AGTPBP1: variants seen among roughly 807,000 people sequenced by gnomAD.
AGTPBP1 encodes the protein ATP/GTP binding carboxypeptidase 1.
Under a neutral mutation model 143.9 loss-of-function variants are expected in AGTPBP1, and 70 were observed. The ratio of observed to expected loss-of-function variants is 0.49; its 90% confidence interval spans 0.40 to 0.59. The LOEUF (loss-of-function observed/expected upper bound fraction) is 0.59, where lower values mean the gene tolerates loss of function less well. Among genes scored for constraint, AGTPBP1 ranks in the 20% least tolerant of loss-of-function variants. The pLI is 0.00. For synonymous variants in AGTPBP1, 463 were observed against 500.2 expected, an observed-to-expected ratio of 0.93 and a Z score of 0.99; for missense variants, 1,229 against 1,464.5, an observed-to-expected ratio of 0.84 and a Z score of 2.62.
intron 25 of AGTPBP1, among the ~76,000 whole-genome samples, chr9:85,564,966 G>A (rs576191743): frequency 2.8e-4 from 42 of 152,292 alleles, no homozygotes; most frequent in African/African-American, 1.0e-3. Flanking sequence ...GAATGTTTAT[G>A]TCACATGAGG....
At chr9:85,679,591 G>A (rs1835044994) in intron 4 of AGTPBP1, among the ~76,000 whole-genome samples, 1 of 151,994 alleles carries the variant, frequency 6.6e-6, no homozygotes, top group Non-Finnish European at 1.5e-5. Flanking sequence ...TGTATTTTTA[G>A]TAAAGACAGG....
chr9:85,619,098 T>C lies in AGTPBP1; in HGVS notation c.2220A>G (p.Ile740Met). 1 of 1,613,658 alleles carries C rather than the reference T, an allele frequency of 6.2e-7. No homozygotes were observed. Among genetic ancestry groups the C allele is most frequent in the Non-Finnish European group, 8.5e-7 (1 of 1,179,766 alleles). Reference protein sequence around the residue: ...NEYDLILNSDINSNHYHQWFY... With the variant: ...NEYDLILNSDMNSNHYHQWFY... ...ACCACTGATGATAATGATTGCTGTT[T>C]ATGTCTGAGTTCAGAATAAGATCAT... The change falls in exon 17 of 26, where the codon ATA becomes ATG. Residue 740 changes from isoleucine (I) to methionine (M), a missense_variant. By Grantham distance (10) the Ile-to-Met change is conservative (BLOSUM62 1). Coordinates refer to ENST00000357081, the MANE Select transcript of AGTPBP1 (RefSeq NM_001330701.2).
intron 14 of AGTPBP1, among the ~76,000 whole-genome samples, chr9:85,626,881 G>C (rs146050365): frequency 6.6e-6 from 1 of 152,226 alleles, no homozygotes; most frequent in East Asian, 1.9e-4. Flanking sequence ...CCTCTCAATT[G>C]TTTTAACCAC....
chr9:85,666,409 A>C (rs908219728), intron 8 of AGTPBP1, among the ~76,000 whole-genome samples: 1 of 152,146 alleles, frequency 6.6e-6, no homozygotes, highest in African/African-American at 2.4e-5. Context: ...AATACAACAG[A>C]AAGCGTTAGA....
At chr9:85,582,152 A>T (rs1238234207) in intron 23 of AGTPBP1, among the ~76,000 whole-genome samples, 4 of 152,228 alleles carry the variant, frequency 2.6e-5, no homozygotes, top group Non-Finnish European at 5.9e-5. Context: ...TAATATCTTA[A>T]CCATAGTTCA....
chr9:85,616,377 G>T (rs1284270568), intron 17 of AGTPBP1, among the ~76,000 whole-genome samples: 1 of 151,898 alleles, frequency 6.6e-6, no homozygotes, highest in Non-Finnish European at 1.5e-5. Flanking sequence ...TGACACTAGA[G>T]AAATTATTGT....
At chr9:85,761,490 C>A in the AGTPBP1 span, among the ~76,000 whole-genome samples, 1 of 152,206 alleles carries the variant, frequency 6.6e-6, no homozygotes, top group Non-Finnish European at 1.5e-5. Context: ...ACTCTCTGAT[C>A]TTTGACAAAC....
intron 25 of AGTPBP1, among the ~76,000 whole-genome samples, chr9:85,570,103 T>C (rs1297006192): frequency 6.6e-6 from 1 of 152,102 alleles, no homozygotes; most frequent in Non-Finnish European, 1.5e-5. Flanking sequence ...TTCCATATGA[T>C]AACTGAGACA....
At chr9:85,562,773 T>C (rs1414860808) in intron 25 of AGTPBP1, among the ~76,000 whole-genome samples, 3 of 152,170 alleles carry the variant, frequency 2.0e-5, no homozygotes, top group South Asian at 4.1e-4. Context: ...GTTCACAGTA[T>C]TGTAAAGAGT....
intron 21 of AGTPBP1, among the ~76,000 whole-genome samples, 177 bp from the exon 22 acceptor site, chr9:85,587,137 A>G (rs898157567): frequency 7.2e-5 from 11 of 152,194 alleles, no homozygotes; most frequent in African/African-American, 2.7e-4. Flanking sequence ...TTAAGTAAAC[A>G]TTTATTGAGT....
Position 85,596,353 on chromosome 9 carries a change from A to T in AGTPBP1, c.2423+9T>A. ...GCTGACATTCTATTAATATTCTTAA[A>T]ATACTTACTTATAGTAACAAATGTC... On this transcript the variant is annotated intron_variant, in intron 18 of 25. Coordinates refer to ENST00000357081, the MANE Select transcript of AGTPBP1 (RefSeq NM_001330701.2). 1 of 1,573,420 alleles carries T rather than the reference A, an allele frequency of 6.4e-7. No individual in the cohort carries two copies. The highest frequency in any genetic ancestry group is 8.7e-7 in the Non-Finnish European group (1 of 1,151,426).
At chr9:85,568,042 A>C (rs938398001) in intron 25 of AGTPBP1, among the ~76,000 whole-genome samples, 3 of 152,230 alleles carry the variant, frequency 2.0e-5, no homozygotes, top group African/African-American at 7.2e-5. Context: ...AGGCACAGAC[A>C]TTTTGGTAGA....
At chr9:85,658,029 G>A (rs1463540944) in intron 9 of AGTPBP1, among the ~76,000 whole-genome samples, 2 of 152,082 alleles carry the variant, frequency 1.3e-5, no homozygotes, top group Non-Finnish European at 2.9e-5. Context: ...TTGTGAATGT[G>A]ATTTTTAGAA....
chr9:85,747,039 T>G, the AGTPBP1 span, among the ~76,000 whole-genome samples: 7 of 152,116 alleles, frequency 4.6e-5, no homozygotes, highest in Admixed American at 2.6e-4. Flanking sequence ...TTCTACTTTT[T>G]ATAGACAGTG....
At chr9:85,678,551 T>G (rs1039802665) in intron 4 of AGTPBP1, among the ~76,000 whole-genome samples, 153 bp from the exon 5 acceptor site, 1 of 152,234 alleles carries the variant, frequency 6.6e-6, no homozygotes, top group Admixed American at 6.5e-5. Context: ...TTTCCGTCTG[T>G]TTCCTTCTGC....
At chr9:85,602,491 A>G (rs1829736214) in intron 17 of AGTPBP1, among the ~76,000 whole-genome samples, 1 of 152,232 alleles carries the variant, frequency 6.6e-6, no homozygotes, top group South Asian at 2.1e-4. Context: ...CAAAGCCTAC[A>G]TGACATATGG....
Position 85,636,259 on chromosome 9 carries a change from CTTT to C in AGTPBP1, c.1303-2888_1303-2886del, listed in dbSNP as rs35445993. ...TGATTAAATGCATTTTGTAAGGTTT[CTTT>C]TTTTTTTTTTTTTTTTTTGAGAGGG... is the stretch of plus-strand genomic sequence containing the variant. On this transcript the variant is annotated intron_variant, in intron 13 of 25. Coordinates refer to ENST00000357081, the MANE Select transcript of AGTPBP1 (RefSeq NM_001330701.2). Among the ~76,000 whole-genome samples the C allele has an allele frequency of 1.1e-3, 132 of 118,538 alleles. 1 individual carries two copies. The highest frequency in any genetic ancestry group is 4.0e-3 in the African/African-American group (129 of 32,294). 77.8% of individuals were successfully genotyped at this position (118,538 alleles called of 152,430 possible).
chr9:85,553,336 A>G (rs959537323), intron 25 of AGTPBP1, among the ~76,000 whole-genome samples: 9 of 152,224 alleles, frequency 5.9e-5, no homozygotes, highest in African/African-American at 1.9e-4. Context: ...CAATGGTGCA[A>G]AACCATTCCG....
intron 1 of AGTPBP1, among the ~76,000 whole-genome samples, chr9:85,728,044 C>T (rs868598723): frequency 0.026 from 3,846 of 147,226 alleles, 93 homozygotes; most frequent in African/African-American, 0.049. Context: ...CACACACACA[C>T]ACACACACAC....
Sources: allele counts gnomAD v4.1 joint callset (sites outside exome capture counted in the v4.1 genomes callset), GRCh38; gene constraint gnomAD v4.1.1; transcripts MANE v1.5; gene names NCBI Gene and HGNC (gene_info 2026-07-23, HGNC 2026-07-21).